Variants in LIMS1 observed in about 807,000 individuals in gnomAD.
LIMS1 encodes LIM zinc finger domain containing 1.
LIMS1 carries 18 observed loss-of-function variants against 44.1 expected under a neutral mutation model. That is an observed-to-expected ratio of 0.41 (90% CI 0.28 to 0.61). The LOEUF is 0.61. Ranked by LOEUF, LIMS1 falls within the 20% of genes least tolerant of loss-of-function variation. The pLI is 0.32. For synonymous variants in LIMS1, 93 were observed against 149.1 expected (o/e 0.62, Z 2.74); for missense variants, 201 against 422.0 (o/e 0.48, Z 4.59).
intron 1 of LIMS1, among the ~76,000 whole-genome samples, chr2:108,539,493 G>A (rs1157213290): frequency 1.3e-5 from 2 of 152,196 alleles, no homozygotes; most frequent in African/African-American, 4.8e-5. Flanking sequence ...CTTTGGCCCT[G>A]TCAGCGTCTT....
At chr2:108,668,503 T>A (rs1157015067) in intron 2 of LIMS1, among the ~76,000 whole-genome samples, 1 of 152,358 alleles carries the variant, frequency 6.6e-6, no homozygotes, top group African/African-American at 2.4e-5. Flanking sequence ...TAATGTAATG[T>A]CCTACAGGTT....
chr2:108,560,017 C>T (rs1322585191), intron 1 of LIMS1, among the ~76,000 whole-genome samples: 1 of 151,962 alleles, frequency 6.6e-6, no homozygotes, highest in African/African-American at 2.4e-5. Flanking sequence ...TCATTTCCTG[C>T]CTGAGGAAGA....
exon 5 of LIMS1, chr2:108,672,996 A>G: frequency 7.4e-7 from 1 of 1,344,096 alleles, no homozygotes; most frequent in East Asian, 2.3e-5. Context: ...AACGACCCCT[A>G]CCATCCAGAC....
chr2:108,669,718 C>G (rs564437607), intron 2 of LIMS1, among the ~76,000 whole-genome samples: 1 of 117,990 alleles, frequency 8.5e-6, no homozygotes, highest in African/African-American at 2.8e-5. Context: ...TAGCATTTCT[C>G]TATTAAAAAA....
chr2:108,656,930 G>A, intron 1 of LIMS1, among the ~76,000 whole-genome samples: 1 of 61,622 alleles, frequency 1.6e-5, no homozygotes, highest in African/African-American at 5.9e-5. Context: ...TTGAAACTGG[G>A]AACAATTTAA....
chr2:108,654,029 T>C (rs1465396172), intron 1 of LIMS1, among the ~76,000 whole-genome samples: 3 of 118,308 alleles, frequency 2.5e-5, no homozygotes. Flanking sequence ...AAGGGATGAC[T>C]TTGAGTTTGT....
chr2:108,614,288 C>T (rs889678967), intron 1 of LIMS1, among the ~76,000 whole-genome samples: 54 of 152,216 alleles, frequency 3.5e-4, no homozygotes, highest in Non-Finnish European at 6.2e-4. Flanking sequence ...TGAACTTGCT[C>T]TCTCACCACC....
intron 1 of LIMS1, among the ~76,000 whole-genome samples, chr2:108,642,649 G>A (rs893403268): frequency 3.9e-5 from 6 of 152,186 alleles, no homozygotes; most frequent in East Asian, 3.9e-4. Flanking sequence ...GTGAGCCACC[G>A]CGCCCGGCCG....
chr2:108,534,657 CCGGG>C, intron 1 of LIMS1, 63 bp downstream of exon 1: 1 of 902,150 alleles, frequency 1.1e-6, no homozygotes, highest in Non-Finnish European at 1.3e-6. Context: ...GGCCTTCGGG[CCGGG>C]CCGGGCCGGG....
chr2:108,686,577 C>G (rs919219431), exon 10 of LIMS1: 1 of 151,600 alleles, frequency 6.6e-6, no homozygotes, highest in African/African-American at 2.4e-5. Context: ...CCAGACTATC[C>G]TGGCTAACAA....
intron 1 of LIMS1, among the ~76,000 whole-genome samples, chr2:108,656,187 T>C (rs1160555960): frequency 1.3e-5 from 2 of 148,816 alleles, no homozygotes; most frequent in Non-Finnish European, 3.0e-5. Context: ...GACCAAACAA[T>C]TTGTTTTGCA....
intron 2 of LIMS1, among the ~76,000 whole-genome samples, chr2:108,668,850 G>A (rs1691966565): frequency 6.6e-6 from 1 of 152,152 alleles, no homozygotes; most frequent in African/African-American, 2.4e-5. Context: ...ATAAATACTT[G>A]TACTTTTGGC....
At chr2:108,533,839 A>C (rs1684006386), upstream of LIMS1, 1 of 152,476 alleles carries the variant, frequency 6.6e-6, no homozygotes, top group South Asian at 2.1e-4. Flanking sequence ...AAGTTAAACA[A>C]AGGCTGCAGG....
At chr2:108,644,080 G>A (rs918347616) in intron 1 of LIMS1, among the ~76,000 whole-genome samples, 1 of 152,190 alleles carries the variant, frequency 6.6e-6, no homozygotes, top group African/African-American at 2.4e-5. Context: ...AGGGGTGGTT[G>A]TGGGCACAGC....
chr2:108,659,630 G>A lies in LIMS1; in HGVS notation c.58G>A (p.Ala20Thr), dbSNP rs375431434. 1.2e-5 allele frequency: 20 copies of A among 1,611,910 alleles called. No homozygotes were observed. Among genetic ancestry groups the A allele is most frequent in the African/African-American group, 2.7e-5 (2 of 74,878 alleles). The change falls in exon 2 of 10, where the codon GCC becomes ACC. Residue 20 changes from alanine (A) to threonine (T), a missense_variant. This residue lies in a region of LIMS1 where 101 missense variants were observed against 215.2 expected (regional missense o/e 0.47). Coordinates refer to ENST00000544547, the Ensembl canonical transcript of LIMS1. Reference sequence around the variant, plus strand: ...CAACATGGCCAACGCCCTGGCCAGCGCCACTTGCGAGCGCTGCAAGGGCGG... The same window carrying A: ...CAACATGGCCAACGCCCTGGCCAGCACCACTTGCGAGCGCTGCAAGGGCGG...
intron 1 of LIMS1, among the ~76,000 whole-genome samples, chr2:108,649,561 T>C (rs966041453): frequency 6.6e-6 from 1 of 152,166 alleles, no homozygotes; most frequent in African/African-American, 2.4e-5. Flanking sequence ...AGCAAAGACT[T>C]GGAACCACAC....
chr2:108,553,558 G>A (rs755047826), intron 1 of LIMS1, among the ~76,000 whole-genome samples: 1 of 152,234 alleles, frequency 6.6e-6, no homozygotes, highest in Non-Finnish European at 1.5e-5. Flanking sequence ...TAGAAATAAT[G>A]ATAGTTTTTC....
At chr2:108,546,250 C>T (rs932586720) in intron 1 of LIMS1, among the ~76,000 whole-genome samples, 1 of 146,692 alleles carries the variant, frequency 6.8e-6, no homozygotes, top group Non-Finnish European at 1.5e-5. Context: ...ATTGTTTTCC[C>T]TTGCTCTCAG....
intron 1 of LIMS1, among the ~76,000 whole-genome samples, chr2:108,572,232 TC>T (rs1448701497): frequency 6.6e-6 from 1 of 152,068 alleles, no homozygotes. Flanking sequence ...TACTTAAACT[TC>T]CCTTCACTGA....
Sources: allele counts gnomAD v4.1 joint callset (sites outside exome capture counted in the v4.1 genomes callset), GRCh38; gene constraint gnomAD v4.1.1; regional missense constraint gnomAD v4.1.1; transcripts MANE v1.5; gene names NCBI Gene and HGNC (gene_info 2026-07-23, HGNC 2026-07-21).